IRAK3: variants seen among roughly 807,000 people sequenced by gnomAD.
IRAK3 encodes interleukin 1 receptor associated kinase 3.
A neutral mutation model predicts 56.6 loss-of-function variants in IRAK3; 57 were observed. The ratio of observed to expected loss-of-function variants is 1.01; its 90% confidence interval spans 0.81 to 1.26. The LOEUF (loss-of-function observed/expected upper bound fraction) is 1.26. Ranked by LOEUF, IRAK3 falls within the 50% of genes most tolerant of loss-of-function variation. The pLI, the probability that IRAK3 is intolerant of heterozygous loss-of-function variation, is 0.00. For synonymous variants in IRAK3, 258 were observed against 255.7 expected, an observed-to-expected ratio of 1.01 and a Z score of -0.09; for missense variants, 703 against 719.0, an observed-to-expected ratio of 0.98 and a Z score of 0.25.
chr12:66,192,717 AAT>A (rs1320408379), intron 1 of IRAK3, among the ~76,000 whole-genome samples: 2 of 151,452 alleles, frequency 1.3e-5, no homozygotes, highest in African/African-American at 4.9e-5. Flanking sequence ...TAATAGTAGT[AAT>A]AATAATAAAG....
At chr12:66,199,988 G>A (rs1402912204) in intron 1 of IRAK3, among the ~76,000 whole-genome samples, 1 of 152,174 alleles carries the variant, frequency 6.6e-6, no homozygotes, top group African/African-American at 2.4e-5. Context: ...ATTCTTGCCA[G>A]AACTTGAAAT....
intron 6 of IRAK3, among the ~76,000 whole-genome samples, chr12:66,217,477 T>A (rs2052688898): frequency 6.6e-6 from 1 of 152,200 alleles, no homozygotes; most frequent in Non-Finnish European, 1.5e-5. Context: ...GTAGGTTAAA[T>A]CATGTGTGAC....
intron 8 of IRAK3, chr12:66,235,235 G>T: frequency 6.2e-7 from 1 of 1,605,262 alleles, no homozygotes; most frequent in Admixed American, 1.7e-5. Flanking sequence ...GCGATAGGGC[G>T]TCCGGCAGTT....
rs2052457656 is a variant in IRAK3, at chr12:66,196,799, T to G, written c.134-6912T>G. ...TTTGGAATTAAAAATGTCTTTAACC[T>G]TAAAAGTTCTTTTAAAAAATTGTCT... On this transcript the variant is annotated intron_variant, in intron 1 of 11. Coordinates refer to ENST00000261233, the MANE Select transcript of IRAK3 (RefSeq NM_007199.3). The G allele has an allele frequency of 7.3e-6, 10 of 1,375,198 alleles. No individual in the cohort carries two copies. In the South Asian group the frequency reaches 1.6e-4, roughly 21 times the overall value. The allele number at this position is 1,375,198 out of a possible 1,614,324, so 85.2% of individuals were successfully genotyped here. A position where few individuals can be genotyped will look rare whatever the true frequency, so the allele number is the denominator to read the frequency against.
chr12:66,205,896 A>G (rs1439420839), intron 2 of IRAK3, among the ~76,000 whole-genome samples: 2 of 152,188 alleles, frequency 1.3e-5, no homozygotes, highest in Non-Finnish European at 2.9e-5. Context: ...TCTTCACATC[A>G]GTAAAGCATT....
chr12:66,195,073 G>T (rs1405163247), intron 1 of IRAK3, among the ~76,000 whole-genome samples: 1 of 152,204 alleles, frequency 6.6e-6, no homozygotes, highest in South Asian at 2.1e-4. Flanking sequence ...GCTCAGAAAT[G>T]CTCCCCCAGC....
chr12:66,238,186 G>T lies in IRAK3; in HGVS notation c.888-6300G>T, dbSNP rs772323957. ...GATGAGGGGAACAGAATGGGGAGAG[G>T]CCAAGACAGCAGAAAGCATAGTTTG... On this transcript the variant is annotated intron_variant, in intron 8 of 11. Coordinates refer to ENST00000261233, the MANE Select transcript of IRAK3 (RefSeq NM_007199.3). Among the ~76,000 whole-genome samples, 101 of 152,160 alleles carry T rather than the reference G, an allele frequency of 6.6e-4. 1 individual carries two copies. The highest frequency in any genetic ancestry group is 1.9e-4 in the Non-Finnish European group (13 of 68,018).
At chr12:66,217,107 T>C (rs2052684385) in intron 5 of IRAK3, 64 bp from the exon 6 acceptor site, 1 of 1,189,162 alleles carries the variant, frequency 8.4e-7, no homozygotes, top group Non-Finnish European at 1.3e-6. Context: ...CTATAGACCC[T>C]GGGTTAAGAA....
At chr12:66,201,130 T>G (rs764752067) in intron 1 of IRAK3, among the ~76,000 whole-genome samples, 21 of 152,314 alleles carry the variant, frequency 1.4e-4, no homozygotes, top group Non-Finnish European at 2.9e-4. Context: ...AAACAGACTT[T>G]TAACAGAAGA....
chr12:66,233,514 T>A (rs1174268776), intron 8 of IRAK3, among the ~76,000 whole-genome samples: 2 of 95,002 alleles, frequency 2.1e-5, no homozygotes, highest in South Asian at 3.7e-4. Flanking sequence ...CGAGACTCCG[T>A]CTCGGAAAAA....
intron 6 of IRAK3, among the ~76,000 whole-genome samples, chr12:66,219,207 T>A (rs2052707276): frequency 6.6e-6 from 1 of 152,220 alleles, no homozygotes; most frequent in African/African-American, 2.4e-5. Context: ...TTCTTTTACA[T>A]ACGTACCCTG....
At chr12:66,217,970 A>G (rs767374157) in intron 6 of IRAK3, among the ~76,000 whole-genome samples, 38 of 152,350 alleles carry the variant, frequency 2.5e-4, no homozygotes, top group Non-Finnish European at 4.3e-4. Flanking sequence ...TCAATAAAAA[A>G]TGAAATCCAA....
chr12:66,234,185 T>C (rs919928563), intron 8 of IRAK3: 3 of 1,614,046 alleles, frequency 1.9e-6, no homozygotes, highest in African/African-American at 1.3e-5. Flanking sequence ...CATATGTTCA[T>C]ACTGTGGCAA....
At chr12:66,230,451 C>T (rs1024636850) in intron 8 of IRAK3, among the ~76,000 whole-genome samples, 1 of 152,166 alleles carries the variant, frequency 6.6e-6, no homozygotes, top group Non-Finnish European at 1.5e-5. Context: ...GCTGGGGTGG[C>T]GCATCAAAGA....
intron 1 of IRAK3, among the ~76,000 whole-genome samples, chr12:66,200,924 C>T (rs2052501333): frequency 6.6e-6 from 1 of 152,144 alleles, no homozygotes. Flanking sequence ...GATTCTCCCA[C>T]CTCACCCTCC....
At chr12:66,217,882 TG>T (rs2052694135) in intron 6 of IRAK3, among the ~76,000 whole-genome samples, 1 of 152,192 alleles carries the variant, frequency 6.6e-6, no homozygotes, top group Non-Finnish European at 1.5e-5. Flanking sequence ...GGCATTATAC[TG>T]AATCCATTTT....
chr12:66,211,403 T>G, intron 4 of IRAK3, 43 bp from the exon 5 acceptor site: 1 of 1,452,842 alleles, frequency 6.9e-7, no homozygotes, highest in Non-Finnish European at 9.7e-7. Flanking sequence ...ATGGTGATGT[T>G]CCTTCTTAGC....
rs560327430 is a variant in IRAK3 at position 66,228,562 on chromosome 12, T to C, written c.887+192T>C. 7.2e-5 allele frequency among the ~76,000 whole-genome samples: 11 copies of C among 152,350 alleles called. No homozygotes were observed. The East Asian group carries it at 2.1e-3, about 29-fold the overall frequency. On this transcript the variant is annotated intron_variant, in intron 8 of 11. Transcript: ENST00000261233. Reference sequence around the variant, plus strand: ...TGTCTACCAAATTTAAAAAGCTATATGTATGTTGCCAAAAAGAGAGTTTAC... The same window carrying C: ...TGTCTACCAAATTTAAAAAGCTATACGTATGTTGCCAAAAAGAGAGTTTAC...
intron 3 of IRAK3, among the ~76,000 whole-genome samples, chr12:66,209,835 C>G (rs2052594702): frequency 6.6e-6 from 1 of 152,140 alleles, no homozygotes; most frequent in African/African-American, 2.4e-5. Context: ...TGGTGTTTTG[C>G]ATGTCACTGT....
Sources: allele counts gnomAD v4.1 joint callset (sites outside exome capture counted in the v4.1 genomes callset), GRCh38; gene constraint gnomAD v4.1.1; transcripts MANE v1.5; gene names NCBI Gene and HGNC (gene_info 2026-07-23, HGNC 2026-07-21).